The following UBE2O variants were observed in gnomAD, a reference collection of about 807,000 sequenced individuals.
UBE2O encodes (E3-independent) E2 ubiquitin-conjugating enzyme.
In UBE2O, 15 loss-of-function variants were observed where a neutral mutation model predicts 125.8. That is an observed-to-expected ratio of 0.12 (90% confidence interval 0.08 to 0.18). UBE2O has a LOEUF of 0.18. Among genes scored for constraint, UBE2O ranks in the 10% least tolerant of loss-of-function variants. The pLI is 1.00. For synonymous variants in UBE2O, 708 were observed against 703.2 expected, an observed-to-expected ratio of 1.01 and a Z score of -0.11; for missense variants, 1,280 against 1,723.6, an observed-to-expected ratio of 0.74 and a Z score of 4.56.
At chr17:76,434,013 C>T (rs1041208626) in intron 1 of UBE2O, among the ~76,000 whole-genome samples, 1 of 152,170 alleles carries the variant, frequency 6.6e-6, no homozygotes, top group Non-Finnish European at 1.5e-5. Flanking sequence ...AAGACAAAAA[C>T]GAGCCCTCCT....
At chr17:76,429,541 C>CAAAAA (rs61081315) in intron 1 of UBE2O, among the ~76,000 whole-genome samples, 2 of 71,808 alleles carry the variant, frequency 2.8e-5, no homozygotes, top group African/African-American at 1.1e-4. Flanking sequence ...GACTCTGTCT[C>CAAAAA]AAAAAAAAAA....
intron 1 of UBE2O, among the ~76,000 whole-genome samples, chr17:76,449,839 G>A (rs996863804): frequency 6.6e-6 from 1 of 152,128 alleles, no homozygotes; most frequent in Non-Finnish European, 1.5e-5. Context: ...AGAATCGCTT[G>A]AACCCGGGAG....
At position 76,401,077 on chromosome 17, in the gene UBE2O, G is replaced by A; in HGVS notation, c.828C>T (p.Val276=). The change falls in exon 6 of 18, where the codon GTC becomes GTT. Residue 276 remains valine, a synonymous_variant. Transcript: ENST00000319380. Reference sequence around the variant, plus strand: ...CGGGCTTGACACCTGACAGCCACTGGACGCTGGAGAAGATCTTGGCAGGGC... The same window carrying A: ...CGGGCTTGACACCTGACAGCCACTGAACGCTGGAGAAGATCTTGGCAGGGC... ...LIGPAKIFSS[V]QWLSGVKPVL... The A allele has an allele frequency of 6.2e-7, 1 of 1,613,980 alleles. No homozygotes were observed. Among genetic ancestry groups the A allele is most frequent in the Non-Finnish European group, 8.5e-7 (1 of 1,180,036 alleles).
At position 76,404,993 on chromosome 17, in the gene UBE2O, T is replaced by C. The variant is rs1598591452; in HGVS notation, c.588+213A>G. Among the ~76,000 whole-genome samples the C allele has an allele frequency of 6.6e-6, 1 of 151,378 alleles. No individual in the cohort carries two copies. Among genetic ancestry groups the C allele is most frequent in the Non-Finnish European group, 1.5e-5 (1 of 67,814 alleles). On this transcript the variant is annotated intron_variant, in intron 3 of 17. Transcript: ENST00000319380. This position sits in a 1 kb window ranked among gnomAD's most constrained non-coding sequence, Gnocchi z 4.3. The stretch of plus-strand genomic sequence containing the variant: ...ACCACACTGGCAGCCTATGCTGGGG[T>C]TGGGGAAGGGCACGTCCTGACCTCA...
intron 1 of UBE2O, among the ~76,000 whole-genome samples, chr17:76,409,401 CTTTTTT>C (rs1158559743): frequency 9.6e-5 from 13 of 134,868 alleles, no homozygotes; most frequent in Admixed American, 1.5e-4. Context: ...ACACACACTA[CTTTTTT>C]TTTTTTTGAG....
chr17:76,398,098 C>T lies in UBE2O; in HGVS notation c.2025+157G>A, dbSNP rs1172397377. On this transcript the variant is annotated intron_variant, in intron 12 of 17. Transcript: ENST00000319380. This position sits in a 1 kb window ranked among gnomAD's most constrained non-coding sequence, Gnocchi z 5.4. ...TCCTTCTGCAGCTGCTAGTGCTGAG[C>T]GGCAGCTTGACTCTGGGGCAGCTGC... Among the ~76,000 whole-genome samples, 1 of 152,244 alleles carries T rather than the reference C, an allele frequency of 6.6e-6. No individual in the cohort carries two copies. Among genetic ancestry groups the T allele is most frequent in the Non-Finnish European group, 1.5e-5 (1 of 68,038 alleles).
chr17:76,438,612 G>A (rs568020), intron 1 of UBE2O, among the ~76,000 whole-genome samples: 11,333 of 152,032 alleles, frequency 0.075, 750 homozygotes, highest in African/African-American at 0.18. Flanking sequence ...ATAATTGAAA[G>A]CTTTATTACT....
At position 76,405,184 on chromosome 17, in the gene UBE2O, T is replaced by G. The variant is rs2072394051; in HGVS notation, c.588+22A>C. The G allele has an allele frequency of 3.2e-6, 5 of 1,564,940 alleles. No individual in the cohort carries two copies. The East Asian group carries it at 1.1e-4, about 36-fold the overall frequency. On this transcript the variant is annotated intron_variant, in intron 3 of 17. Coordinates refer to ENST00000319380, the MANE Select transcript of UBE2O (RefSeq NM_022066.4). This position sits in a 1 kb window ranked among gnomAD's most constrained non-coding sequence, Gnocchi z 6.1. The stretch of plus-strand genomic sequence containing the variant: ...GAACCAGAGGGCCCAGAAAGGATGA[T>G]GAGAAGACAGGGCCGGCTCACCCAG...
rs1215486314 is a variant in UBE2O, at chr17:76,391,474, C to T, written c.3348G>A (p.Val1116=). 3 of 1,613,820 alleles carry T rather than the reference C, an allele frequency of 1.9e-6. No individual in the cohort carries two copies. Among genetic ancestry groups the T allele is most frequent in the Non-Finnish European group, 8.5e-7 (1 of 1,180,036 alleles). The change falls in exon 18 of 18, where the codon GTG becomes GTA. Residue 1116 remains valine (V), a synonymous_variant. Transcript: ENST00000319380. This position sits in a 1 kb window ranked among gnomAD's most constrained non-coding sequence, Gnocchi z 8.4. ...IRVVQSMTQL[V]RRPPEVFEQE... ...GCTCAAAGACCTCGGGGGGCCGCCGCACCAGCTGGGTCATGGACTGCACCA... is the reference window on the plus strand; with the variant it reads ...GCTCAAAGACCTCGGGGGGCCGCCGTACCAGCTGGGTCATGGACTGCACCA...
chr17:76,440,840 A>G (rs2073067074), intron 1 of UBE2O, among the ~76,000 whole-genome samples: 1 of 152,150 alleles, frequency 6.6e-6, no homozygotes, highest in African/African-American at 2.4e-5. Context: ...TGTGAAGGAG[A>G]CAGTATAGCC....
intron 1 of UBE2O, among the ~76,000 whole-genome samples, chr17:76,419,784 C>T (rs957900327): frequency 1.3e-5 from 2 of 152,250 alleles, no homozygotes; most frequent in Non-Finnish European, 2.9e-5. Context: ...GAAGGCCATG[C>T]TGTGGCCCTG....
intron 1 of UBE2O, among the ~76,000 whole-genome samples, chr17:76,435,457 A>C (rs886779494): frequency 7.5e-6 from 1 of 132,884 alleles, no homozygotes; most frequent in African/African-American, 3.0e-5. Flanking sequence ...CACACACACA[A>C]AGATTAAGAT....
intron 1 of UBE2O, among the ~76,000 whole-genome samples, chr17:76,450,008 G>A (rs897890536): frequency 2.6e-5 from 4 of 151,732 alleles, no homozygotes; most frequent in African/African-American, 4.9e-5. Flanking sequence ...GGAGGATTGT[G>A]TGAGACCAGG....
At chr17:76,430,702 C>A in intron 1 of UBE2O, 1 of 281,216 alleles carries the variant, frequency 3.6e-6, no homozygotes, top group South Asian at 3.2e-5. Context: ...TTTGGGTTCC[C>A]CTTGTAATAC....
chr17:76,430,548 A>G (rs1598613701), intron 1 of UBE2O: 1 of 272,258 alleles, frequency 3.7e-6, no homozygotes, highest in South Asian at 3.6e-5. Context: ...CACAGTATAG[A>G]GCTCATGAAT....
intron 3 of UBE2O, among the ~76,000 whole-genome samples, chr17:76,403,784 G>C (rs1425470340): frequency 6.6e-6 from 1 of 152,086 alleles, no homozygotes; most frequent in East Asian, 1.9e-4. Context: ...TCTGGGGCTG[G>C]ATCACAAAAA....
chr17:76,435,340 A>G (rs1443834252), intron 1 of UBE2O, among the ~76,000 whole-genome samples: 1 of 151,998 alleles, frequency 6.6e-6, no homozygotes, highest in Non-Finnish European at 1.5e-5. Flanking sequence ...TTCACTACAT[A>G]TTTGTTTAAA....
chr17:76,405,421 T>G lies in UBE2O; in HGVS notation c.477+92A>C. 1 of 1,506,926 alleles carries G rather than the reference T, an allele frequency of 6.6e-7. No individual in the cohort carries two copies. The highest frequency in any genetic ancestry group is 9.1e-7 in the Non-Finnish European group (1 of 1,100,932). 93.3% of individuals were successfully genotyped at this position (1,506,926 alleles called of 1,614,324 possible). A position where few individuals can be genotyped will look rare whatever the true frequency, so the allele number is the denominator to read the frequency against. ...GCGCACCCCCTGCAGAGCTGGCCAG[T>G]TCTCCCACATGCAGAGTGCGAGGTG... On this transcript the variant is annotated intron_variant, in intron 2 of 17. Transcript: ENST00000319380. This position sits in a 1 kb window ranked among gnomAD's most constrained non-coding sequence, Gnocchi z 6.1.
rs769801871 is a variant in UBE2O at position 76,396,796 on chromosome 17, A to G, written c.2141T>C (p.Ile714Thr). Residue 714 changes from isoleucine to threonine, a missense_variant, in exon 14 of 18, where the codon ATT becomes ACT. Physicochemically the swap from Ile to Thr is moderately conservative, Grantham distance 89. Transcript: ENST00000319380. The surrounding 1 kb of genome is among the most constrained non-coding windows in gnomAD (Gnocchi z 6.7). ...PQHLYNIESE[I>T]EESDYDSVEG... Reference sequence around the variant, plus strand: ...TACCGAATCGTAGTCTGACTCCTCAATCTCAGACTCTATGTTGTACAAGTG... The same window carrying G: ...TACCGAATCGTAGTCTGACTCCTCAGTCTCAGACTCTATGTTGTACAAGTG... 4.4e-6 allele frequency: 7 copies of G among 1,605,964 alleles called. No individual in the cohort carries two copies. The highest frequency in any genetic ancestry group is 1.1e-5 in the South Asian group (1 of 89,608).
Sources: allele counts gnomAD v4.1 joint callset (sites outside exome capture counted in the v4.1 genomes callset), GRCh38; gene constraint gnomAD v4.1.1; non-coding constraint Gnocchi (gnomAD v3.1); transcripts MANE v1.5; gene names NCBI Gene and HGNC (gene_info 2026-07-23, HGNC 2026-07-21).